TPST1: variants seen among roughly 807,000 people sequenced by gnomAD.
TPST1 encodes the protein tyrosylprotein sulfotransferase 1, also known as protein-tyrosine sulfotransferase 1.
TPST1 carries 20 observed loss-of-function variants against 34.8 expected under a neutral mutation model. That is an observed-to-expected ratio of 0.57 (90% CI 0.40 to 0.84). The LOEUF is 0.84. TPST1 is among the 40% of genes least tolerant of loss of function. The pLI is 0.00. For synonymous variants in TPST1, 152 were observed against 159.4 expected (o/e 0.95, Z 0.35); for missense variants, 353 against 455.5 (o/e 0.78, Z 2.05).
Position 66,240,914 on chromosome 7 carries a change from C to T in TPST1, c.489C>T (p.Ala163=). 4 of 1,614,114 alleles carry T rather than the reference C, an allele frequency of 2.5e-6. No individual in the cohort carries two copies. The highest frequency in any genetic ancestry group is 2.5e-6 in the Non-Finnish European group (3 of 1,180,032). Residue 163 remains alanine, a synonymous_variant, in exon 2 of 6, where the codon GCC becomes GCT. Coordinates refer to ENST00000304842, the MANE Select transcript of TPST1 (RefSeq NM_003596.4). ...APYLCNKDPF[A]LKSLTYLSRL... The stretch of plus-strand genomic sequence containing the variant: ...ATTTATGTAATAAAGATCCTTTTGC[C>T]CTGAAATCTTTAACTTACCTTTCTA...
intron 3 of TPST1, among the ~76,000 whole-genome samples, chr7:66,338,954 A>G (rs1022400721): frequency 6.6e-6 from 1 of 152,216 alleles, no homozygotes; most frequent in Non-Finnish European, 1.5e-5. Context: ...GAAAAAAGGC[A>G]TCTAAAAAAC....
At chr7:66,214,109 C>T (rs11773634) in intron 1 of TPST1, among the ~76,000 whole-genome samples, 54 of 152,038 alleles carry the variant, frequency 3.6e-4, no homozygotes, top group Non-Finnish European at 6.6e-4. Context: ...ATCATTACCA[C>T]AATCAATTTT....
chr7:66,234,811 G>A (rs1789877692), intron 1 of TPST1, among the ~76,000 whole-genome samples: 1 of 150,986 alleles, frequency 6.6e-6, no homozygotes, highest in Non-Finnish European at 1.5e-5. Flanking sequence ...CCAGTAGCTG[G>A]GACTACAGGT....
At chr7:66,252,776 T>TA (rs1790294515) in intron 2 of TPST1, among the ~76,000 whole-genome samples, 1 of 152,216 alleles carries the variant, frequency 6.6e-6, no homozygotes, top group African/African-American at 2.4e-5. Flanking sequence ...GAATTTTTTG[T>TA]AAAAAAATTC....
chr7:66,306,445 G>A (rs1374411412), intron 3 of TPST1, among the ~76,000 whole-genome samples: 1 of 152,166 alleles, frequency 6.6e-6, no homozygotes, highest in African/African-American at 2.4e-5. Context: ...TTCTGCTCCA[G>A]GAGTTTGCTC....
At chr7:66,235,318 T>A (rs140354894) in intron 1 of TPST1, among the ~76,000 whole-genome samples, 1 of 152,004 alleles carries the variant, frequency 6.6e-6, no homozygotes, top group Non-Finnish European at 1.5e-5. Flanking sequence ...GACATTTTAA[T>A]GCTATATTGC....
intron 2 of TPST1, among the ~76,000 whole-genome samples, chr7:66,268,835 C>A (rs565954892): frequency 6.6e-6 from 1 of 151,884 alleles, no homozygotes; most frequent in Non-Finnish European, 1.5e-5. Context: ...ATTACAGGCA[C>A]GCGCCACCAC....
At chr7:66,237,350 A>C (rs1343156605) in intron 1 of TPST1, among the ~76,000 whole-genome samples, 1 of 152,176 alleles carries the variant, frequency 6.6e-6, no homozygotes, top group African/African-American at 2.4e-5. Flanking sequence ...TCAAGCATAA[A>C]TGCTTCTCAG....
At chr7:66,276,363 T>TATATATATATATA in intron 2 of TPST1, among the ~76,000 whole-genome samples, 1 of 124,442 alleles carries the variant, frequency 8.0e-6, no homozygotes, top group Non-Finnish European at 1.7e-5. Context: ...TTAAAAACAT[T>TATATATATATATA]TCATATATAT....
chr7:66,280,272 G>T (rs1415683001), intron 2 of TPST1, among the ~76,000 whole-genome samples: 1 of 152,232 alleles, frequency 6.6e-6, no homozygotes, highest in Non-Finnish European at 1.5e-5. Context: ...TCTCATAGAA[G>T]AGGACCTTCC....
At chr7:66,242,861 A>G (rs577844674) in intron 2 of TPST1, among the ~76,000 whole-genome samples, 2 of 152,338 alleles carry the variant, frequency 1.3e-5, no homozygotes, top group South Asian at 4.1e-4. Flanking sequence ...CATAGAAATT[A>G]TATTATGAAT....
intron 2 of TPST1, among the ~76,000 whole-genome samples, chr7:66,262,228 AC>A (rs1790502794): frequency 6.6e-6 from 1 of 152,276 alleles, no homozygotes; most frequent in South Asian, 2.1e-4. Context: ...TAAGCCCTGG[AC>A]CTGGGCAGTA....
chr7:66,277,377 CGTT>C (rs1790841377), intron 2 of TPST1, among the ~76,000 whole-genome samples: 1 of 152,076 alleles, frequency 6.6e-6, no homozygotes, highest in South Asian at 2.1e-4. Flanking sequence ...TTTTCAGATG[CGTT>C]GTTGCTTCTT....
At chr7:66,285,772 A>G (rs1791021706) in intron 2 of TPST1, among the ~76,000 whole-genome samples, 1 of 152,198 alleles carries the variant, frequency 6.6e-6, no homozygotes, top group South Asian at 2.1e-4. Flanking sequence ...GTTGCTAGTT[A>G]TTTAGTCAAA....
chr7:66,347,122 C>T (rs904768998), intron 3 of TPST1, among the ~76,000 whole-genome samples: 3 of 112,750 alleles, frequency 2.7e-5, no homozygotes, highest in South Asian at 6.3e-4. Context: ...GGCTGGAGTA[C>T]AGTGGTGTGA....
intron 1 of TPST1, among the ~76,000 whole-genome samples, chr7:66,222,724 AG>A (rs1173098581): frequency 2.0e-5 from 3 of 152,232 alleles, no homozygotes; most frequent in African/African-American, 7.2e-5. Context: ...TCAGGGGGTC[AG>A]GCTGCATGGG....
intron 1 of TPST1, among the ~76,000 whole-genome samples, chr7:66,216,885 A>G (rs1789424243): frequency 6.6e-6 from 1 of 152,198 alleles, no homozygotes; most frequent in Non-Finnish European, 1.5e-5. Context: ...GCTGCATCCC[A>G]TGAGTTTTGT....
At chr7:66,275,907 CAT>C (rs987294869) in intron 2 of TPST1, among the ~76,000 whole-genome samples, 1 of 151,796 alleles carries the variant, frequency 6.6e-6, no homozygotes, top group African/African-American at 2.4e-5. Flanking sequence ...AGGTAATGCA[CAT>C]GTTAATTAGC....
Position 66,360,127 on chromosome 7 carries a change from A to G in TPST1, c.*262A>G, listed in dbSNP as rs2116423142. 1 of 336,462 alleles carries G rather than the reference A, an allele frequency of 3.0e-6. No individual in the cohort carries two copies. The highest frequency in any genetic ancestry group is 7.8e-5 in the East Asian group (1 of 12,796). 20.8% of individuals were successfully genotyped at this position (336,462 alleles called of 1,614,324 possible). On this transcript the variant is annotated 3_prime_UTR_variant, in exon 6 of 6. Coordinates refer to ENST00000304842, the MANE Select transcript of TPST1 (RefSeq NM_003596.4). ...GCCCTGCAGTAAGGAGCCCAGAAGG[A>G]ACATGTGTTTCCTGTTAAAACTCCT...
Sources: gnomAD v4.1 joint callset for allele counts (sites outside exome capture counted in the v4.1 genomes callset) on GRCh38, gnomAD v4.1.1 for gene constraint, MANE v1.5 for transcripts, NCBI Gene and HGNC (gene_info 2026-07-23, HGNC 2026-07-21) for gene names.